The following MTPN variants were observed in gnomAD, a reference collection of about 807,000 sequenced individuals.
The protein encoded by MTPN is myotrophin.
MTPN carries 2 observed loss-of-function variants against 13.5 expected under a neutral mutation model. That is an observed-to-expected ratio of 0.15 (90% confidence interval 0.06 to 0.47). The LOEUF (loss-of-function observed/expected upper bound fraction) is 0.47, where lower values mean the gene tolerates loss of function less well. Ranked by LOEUF, MTPN falls within the 20% of genes least tolerant of loss-of-function variation. The probability of loss-of-function intolerance (pLI) is 0.97; values close to 1 mark genes in which losing one functional copy is unlikely to be tolerated. For synonymous variants in MTPN, 46 were observed against 51.7 expected (o/e 0.89, Z 0.48); for missense variants, 79 against 137.9 (o/e 0.57, Z 2.14).
intron 3 of MTPN, among the ~76,000 whole-genome samples, chr7:135,935,731 A>G (rs1328372694): frequency 2.0e-5 from 3 of 152,154 alleles, no homozygotes; most frequent in African/African-American, 2.4e-5. Context: ...GGCCTTGCTA[A>G]ATCCTTTCTA....
At chr7:135,941,249 GA>G (rs1034489753) in intron 3 of MTPN, among the ~76,000 whole-genome samples, 4 of 152,168 alleles carry the variant, frequency 2.6e-5, no homozygotes, top group African/African-American at 9.7e-5. Context: ...CCTGGGGTAT[GA>G]ATACTATTAA....
chr7:135,948,885 T>C (rs910152038), intron 3 of MTPN, among the ~76,000 whole-genome samples: 15 of 152,116 alleles, frequency 9.9e-5, no homozygotes, highest in African/African-American at 3.6e-4. Context: ...TGGAGGTTTT[T>C]ATTTTCAGAG....
At chr7:135,966,432 T>A (rs546429839) in intron 1 of MTPN, among the ~76,000 whole-genome samples, 1 of 152,048 alleles carries the variant, frequency 6.6e-6, no homozygotes, top group Non-Finnish European at 1.5e-5. Context: ...ATCATGCATA[T>A]CCCTAAGCAG....
chr7:135,931,452 T>C (rs942233456), intron 3 of MTPN, among the ~76,000 whole-genome samples: 9 of 152,048 alleles, frequency 5.9e-5, no homozygotes, highest in Admixed American at 2.6e-4. Context: ...TTTTAGGAAG[T>C]GTTAAATGAT....
chr7:135,953,096 T>C (rs189575725), intron 1 of MTPN, among the ~76,000 whole-genome samples: 6 of 152,278 alleles, frequency 3.9e-5, no homozygotes, highest in Admixed American at 3.9e-4. Context: ...CAAACACACA[T>C]ACTCCAAACT....
intron 1 of MTPN, among the ~76,000 whole-genome samples, chr7:135,972,843 G>A (rs893105654): frequency 6.6e-6 from 1 of 151,270 alleles, no homozygotes; most frequent in Non-Finnish European, 1.5e-5. Flanking sequence ...TCTGTTAGAG[G>A]TGATACTTAC....
At chr7:135,973,426 T>C (rs1220083373) in intron 1 of MTPN, among the ~76,000 whole-genome samples, 1 of 151,256 alleles carries the variant, frequency 6.6e-6, no homozygotes. Flanking sequence ...TTTGGACAAA[T>C]GGTTGGGTCA....
At chr7:135,968,842 C>T (rs921431120) in intron 1 of MTPN, among the ~76,000 whole-genome samples, 1 of 151,408 alleles carries the variant, frequency 6.6e-6, no homozygotes, top group African/African-American at 2.4e-5. Context: ...TAAGGAATCA[C>T]CTGCAAAAAT....
At chr7:135,970,835 A>T (rs974506493) in intron 1 of MTPN, among the ~76,000 whole-genome samples, 1 of 152,148 alleles carries the variant, frequency 6.6e-6, no homozygotes, top group South Asian at 2.1e-4. Flanking sequence ...TACTGAGGGC[A>T]CCTGTATCTT....
chr7:135,957,790 A>G (rs1481693911), intron 1 of MTPN, among the ~76,000 whole-genome samples: 4 of 152,008 alleles, frequency 2.6e-5, no homozygotes, highest in Non-Finnish European at 5.9e-5. Context: ...TTCTTGTGAG[A>G]GCTGGTGTTA....
intron 1 of MTPN, among the ~76,000 whole-genome samples, chr7:135,964,658 CTA>C (rs1450218978): frequency 3.3e-5 from 5 of 151,960 alleles, no homozygotes; most frequent in Non-Finnish European, 7.4e-5. Flanking sequence ...TATAGAAATT[CTA>C]TGTTTTTTCT....
At position 135,930,996 on chromosome 7, in the gene MTPN, C is replaced by T. The variant is rs188606090; in HGVS notation, c.271-984G>A. ...GCACATATGGTCCTTTAGAGGCTAA[C>T]GCTGGTCAGCTTTACCAGTCTCTTC... On this transcript the variant is annotated intron_variant, in intron 3 of 3. Coordinates refer to ENST00000393085, the MANE Select transcript of MTPN (RefSeq NM_145808.4). 3.0e-3 allele frequency among the ~76,000 whole-genome samples: 452 copies of T among 152,150 alleles called. 1 individual carries two copies. The highest frequency in any genetic ancestry group is 4.7e-3 in the Non-Finnish European group (322 of 68,002).
At chr7:135,957,540 C>G (rs572121086) in intron 1 of MTPN, among the ~76,000 whole-genome samples, 1 of 152,154 alleles carries the variant, frequency 6.6e-6, no homozygotes, top group Admixed American at 6.5e-5. Context: ...GACCAGTTTA[C>G]ATCAATAAGT....
intron 1 of MTPN, among the ~76,000 whole-genome samples, chr7:135,957,761 T>C (rs1001559091): frequency 1.3e-5 from 2 of 152,166 alleles, no homozygotes; most frequent in African/African-American, 2.4e-5. Flanking sequence ...GTGAGATAAG[T>C]GAGTTCTTAT....
chr7:135,941,467 C>CT (rs1280515087), intron 3 of MTPN, among the ~76,000 whole-genome samples: 2 of 143,618 alleles, frequency 1.4e-5, no homozygotes, highest in African/African-American at 5.2e-5. Context: ...TGTCTCATCT[C>CT]TTTAACTTTT....
At chr7:135,945,963 AAAT>A (rs993959073) in intron 3 of MTPN, among the ~76,000 whole-genome samples, 32 of 152,300 alleles carry the variant, frequency 2.1e-4, no homozygotes, top group Admixed American at 1.8e-3. Flanking sequence ...GCACAGGAAG[AAAT>A]AATAATAATA....
chr7:135,929,369 A>T lies in MTPN; in HGVS notation c.*557T>A, dbSNP rs2116333483. On this transcript the variant is annotated 3_prime_UTR_variant, in exon 4 of 4. Coordinates refer to ENST00000393085, the MANE Select transcript of MTPN (RefSeq NM_145808.4). ...CCTCACCTTAACTAAGCTTTCACAT[A>T]AAGCTTAAAGTCACCGAGGAAAGAT... is the stretch of plus-strand genomic sequence containing the variant. 6.0e-6 allele frequency: 1 copy of T among 167,298 alleles called. No individual in the cohort carries two copies. Among genetic ancestry groups the T allele is most frequent in the Non-Finnish European group, 1.5e-5 (1 of 68,238 alleles). The allele number at this position is 167,298 out of a possible 1,614,324, so 10.4% of individuals were successfully genotyped here. A position where few individuals can be genotyped will look rare whatever the true frequency, so the allele number is the denominator to read the frequency against.
rs1313789298 is a variant in MTPN, at chr7:135,955,508, A to C, written c.73-3878T>G. Reference sequence around the variant, plus strand: ...AATTCTACCAGACATTTAAGGGAAGAAATAATACCAATTCTACCCACTCTT... The same window carrying C: ...AATTCTACCAGACATTTAAGGGAAGCAATAATACCAATTCTACCCACTCTT... On this transcript the variant is annotated intron_variant, in intron 1 of 3. Transcript: ENST00000393085. Among the ~76,000 whole-genome samples, 5 of 152,328 alleles carry C rather than the reference A, an allele frequency of 3.3e-5. No individual in the cohort carries two copies. In the East Asian group the frequency reaches 7.7e-4, roughly 24 times the overall value.
intron 1 of MTPN, among the ~76,000 whole-genome samples, chr7:135,968,825 AAAATTTTAAGG>A (rs1799644506): frequency 6.6e-6 from 1 of 152,020 alleles, no homozygotes; most frequent in Non-Finnish European, 1.5e-5. Context: ...TATGGGAAAA[AAAATTTTAAGG>A]AATCACCTGC....
Sources: allele counts gnomAD v4.1 joint callset (sites outside exome capture counted in the v4.1 genomes callset), GRCh38; gene constraint gnomAD v4.1.1; transcripts MANE v1.5; gene names NCBI Gene and HGNC (gene_info 2026-07-23, HGNC 2026-07-21).